IFT88: variants seen among roughly 807,000 people sequenced by gnomAD.
The protein encoded by IFT88 is intraflagellar transport protein 88 homolog.
In IFT88, 74 loss-of-function variants were observed where a neutral mutation model predicts 119.5. The ratio of observed to expected loss-of-function variants is 0.62; its 90% CI spans 0.51 to 0.75. The LOEUF is 0.75. IFT88 is among the 30% of genes least tolerant of loss of function. IFT88 has a pLI of 0.00. For missense variants in IFT88, 961 were observed against 977.7 expected (o/e 0.98, Z 0.23); for synonymous variants, 279 against 316.7 (o/e 0.88, Z 1.26).
At chr13:20,678,372 AAC>A in intron 24 of IFT88, among the ~76,000 whole-genome samples, 1 of 152,244 alleles carries the variant, frequency 6.6e-6, no homozygotes, top group East Asian at 1.9e-4. Flanking sequence ...GAGAGCCATG[AAC>A]AGAGTCTGAC....
chr13:20,653,509 G>A (rs1015300862), intron 20 of IFT88, among the ~76,000 whole-genome samples: 1 of 152,036 alleles, frequency 6.6e-6, no homozygotes, highest in African/African-American at 2.4e-5. Context: ...ATCAAAAATC[G>A]CTTCTCAGGT....
chr13:20,663,461 C>T (rs1431541955), intron 22 of IFT88, 37 bp from the exon 23 acceptor site: 9 of 1,599,120 alleles, frequency 5.6e-6, no homozygotes, highest in Non-Finnish European at 7.7e-6. Context: ...ATATACTGTG[C>T]CTATATTCTT....
At chr13:20,627,926 T>C (rs1378904028) in intron 15 of IFT88, among the ~76,000 whole-genome samples, 1 of 152,204 alleles carries the variant, frequency 6.6e-6, no homozygotes, top group Non-Finnish European at 1.5e-5. Context: ...GTTTTTAATA[T>C]CAATTGGTTT....
rs1566309800 is a variant in IFT88, at chr13:20,640,532, C to G, written c.1574-758C>G. 2.0e-5 allele frequency among the ~76,000 whole-genome samples: 3 copies of G among 151,754 alleles called. No individual in the cohort carries two copies. In the South Asian group the frequency reaches 6.2e-4, roughly 31 times the overall value. On this transcript the variant is annotated intron_variant, in intron 17 of 25. Coordinates refer to ENST00000351808, the MANE Select transcript of IFT88 (RefSeq NM_006531.5). ...AGCTTGCAGTGAGCCGAGATTGTGC[C>G]ACTGCACTCCAGCCTGGGCGACAGA...
intron 13 of IFT88, among the ~76,000 whole-genome samples, chr13:20,609,453 C>G (rs1332301564): frequency 6.6e-6 from 1 of 152,090 alleles, no homozygotes; most frequent in Admixed American, 6.5e-5. Flanking sequence ...AAATCAGATT[C>G]TTTGGTCAAG....
chr13:20,567,341 G>A (rs1291454749), intron 1 of IFT88, 85 bp downstream of exon 1: 1 of 152,350 alleles, frequency 6.6e-6, no homozygotes, highest in Non-Finnish European at 1.5e-5. Context: ...ATCCCGCCGA[G>A]GGCCTCTTCG....
At chr13:20,567,913 C>G in intron 1 of IFT88, 1 of 682,388 alleles carries the variant, frequency 1.5e-6, no homozygotes, top group Non-Finnish European at 2.6e-6. Context: ...TGGAAGTAGA[C>G]CAAGGGTGTC....
intron 21 of IFT88, among the ~76,000 whole-genome samples, chr13:20,654,870 T>C (rs951435347): frequency 5.3e-5 from 8 of 152,196 alleles, no homozygotes; most frequent in African/African-American, 1.9e-4. Context: ...ATATGAACTA[T>C]TCTAAATGAT....
intron 2 of IFT88, among the ~76,000 whole-genome samples, chr13:20,576,209 A>G (rs2037353870): frequency 7.3e-6 from 1 of 136,296 alleles, no homozygotes; most frequent in South Asian, 2.4e-4. Flanking sequence ...CCATTTTTAA[A>G]TCAGATTATT....
At chr13:20,598,623 G>T in intron 9 of IFT88, 28 bp from the exon 10 acceptor site, 1 of 1,453,712 alleles carries the variant, frequency 6.9e-7, no homozygotes. Flanking sequence ...GGTCTTATGT[G>T]TCTTTTCTAT....
chr13:20,650,321 T>C (rs993747275), intron 20 of IFT88, among the ~76,000 whole-genome samples: 8 of 152,060 alleles, frequency 5.3e-5, no homozygotes, highest in African/African-American at 1.7e-4. Context: ...GTTCAACATA[T>C]GAAGATCAGT....
At position 20,595,222 on chromosome 13, in the gene IFT88, C is replaced by T. The variant is rs543100103; in HGVS notation, c.399-928C>T. Among the ~76,000 whole-genome samples, 12 of 152,226 alleles carry T rather than the reference C, an allele frequency of 7.9e-5. No individual in the cohort carries two copies. The East Asian group carries it at 2.3e-3, about 29-fold the overall frequency. ...AAGCCGTAGTGCATTATGATTGTGC[C>T]TGTAAATAGCCACTGCACTCTAGCC... On this transcript the variant is annotated intron_variant, in intron 7 of 25. Transcript: ENST00000351808.
chr13:20,651,479 A>G (rs1313324490), intron 20 of IFT88, among the ~76,000 whole-genome samples: 1 of 148,936 alleles, frequency 6.7e-6, no homozygotes, highest in Non-Finnish European at 1.5e-5. Context: ...AGTTTATGAT[A>G]GTCAAAAGTA....
intron 16 of IFT88, 60 bp downstream of exon 16, chr13:20,631,162 C>A: frequency 1.8e-6 from 2 of 1,086,628 alleles, no homozygotes; most frequent in Non-Finnish European, 2.8e-6. Flanking sequence ...TAAATTTCTG[C>A]CCAAGGATCA....
At chr13:20,597,205 A>T (rs2041794089) in intron 9 of IFT88, 86 bp downstream of exon 9, 6 of 622,262 alleles carry the variant, frequency 9.6e-6, no homozygotes, top group Non-Finnish European at 1.4e-5. Context: ...TTATTTTTAA[A>T]ATCTTACTGG....
At chr13:20,613,972 A>G (rs1466832094) in intron 13 of IFT88, among the ~76,000 whole-genome samples, 1 of 36,016 alleles carries the variant, frequency 2.8e-5, no homozygotes, top group Non-Finnish European at 6.4e-5. Flanking sequence ...AGTGTCTGCT[A>G]ATGGATATTA....
In IFT88 at chr13:20,687,700, TA is replaced by T. The variant is rs1302553969; in HGVS notation, c.2243-3000del. Among the ~76,000 whole-genome samples, 12 of 150,720 alleles carry T rather than the reference TA, an allele frequency of 8.0e-5. No homozygotes were observed. The East Asian group carries it at 2.3e-3, about 29-fold the overall frequency. On this transcript the variant is annotated intron_variant, in intron 24 of 25. Coordinates refer to ENST00000351808, the MANE Select transcript of IFT88 (RefSeq NM_006531.5). ...AGGAAAACTCCAAGTATAGCTCTCC[TA>T]AAAATGATATGTTGCGTGTTAAAAA...
At chr13:20,631,686 T>C (rs1430097430) in intron 16 of IFT88, 1 of 152,308 alleles carries the variant, frequency 6.6e-6, no homozygotes, top group East Asian at 1.9e-4. Flanking sequence ...AAAGATTTCA[T>C]AGAGAGTTGG....
chr13:20,610,039 A>G (rs757470988), intron 13 of IFT88, among the ~76,000 whole-genome samples: 9 of 151,180 alleles, frequency 6.0e-5, no homozygotes, highest in Non-Finnish European at 8.8e-5. Flanking sequence ...TTCACCCTTT[A>G]TCTCCCAGTG....
Sources: gnomAD v4.1 joint callset for allele counts (sites outside exome capture counted in the v4.1 genomes callset) on GRCh38, gnomAD v4.1.1 for gene constraint, MANE v1.5 for transcripts, NCBI Gene and HGNC (gene_info 2026-07-23, HGNC 2026-07-21) for gene names.